The following ATRX variants were observed in gnomAD, a reference collection of about 807,000 sequenced individuals.
ATRX encodes ATRX chromatin remodeler, also known as chromatin remodeler ATRX.
ATRX carries 12 observed loss-of-function variants against 172.6 expected under a neutral mutation model. That is an observed-to-expected ratio of 0.07 (90% confidence interval 0.04 to 0.11). ATRX has a LOEUF of 0.11. ATRX is among the 10% of genes least tolerant of loss of function. The pLI is 1.00. For missense variants in ATRX, 1,368 were observed against 1,767.4 expected (o/e 0.77, Z 4.05); for synonymous variants, 674 against 594.7 (o/e 1.13, Z -1.94).
At chrX:77,680,656 A>G (rs1334916901) in intron 9 of ATRX, among the ~76,000 whole-genome samples, 3 of 111,638 alleles carry the variant, frequency 2.7e-5, no homozygotes, top group Non-Finnish European at 5.7e-5. Context: ...AATTCTACCT[A>G]TGTTGGAAAT....
intron 1 of ATRX, among the ~76,000 whole-genome samples, chrX:77,731,567 T>C (rs2074299396): frequency 9.0e-6 from 1 of 111,537 alleles, no homozygotes; most frequent in Non-Finnish European, 1.9e-5. Context: ...TTGGTTCTGT[T>C]TGAATAATGT....
chrX:77,624,930 G>A (rs1370793025), intron 19 of ATRX, among the ~76,000 whole-genome samples: 1 of 111,658 alleles, frequency 9.0e-6, no homozygotes, highest in East Asian at 2.8e-4. Context: ...AGCCCGCATA[G>A]CCAAAGCAAG....
intron 28 of ATRX, among the ~76,000 whole-genome samples, chrX:77,567,765 C>CAT (rs1557065292): frequency 9.0e-6 from 1 of 110,573 alleles, no homozygotes; most frequent in Non-Finnish European, 1.9e-5. Flanking sequence ...CAGCAGAGTA[C>CAT]ATATTCTCTT....
intron 1 of ATRX, among the ~76,000 whole-genome samples, chrX:77,778,483 G>T (rs1313496555): frequency 9.1e-6 from 1 of 109,542 alleles, no homozygotes; most frequent in Non-Finnish European, 1.9e-5. Context: ...AGCACTTTGG[G>T]AGGCCAAGGC....
intron 15 of ATRX, among the ~76,000 whole-genome samples, chrX:77,641,655 CA>C (rs782618880): frequency 5.6e-5 from 6 of 107,314 alleles, no homozygotes; most frequent in Non-Finnish European, 1.2e-4. Flanking sequence ...GAAGATATTT[CA>C]AAAAACTAAA....
At chrX:77,590,382 G>A (rs1392744674) in intron 26 of ATRX, among the ~76,000 whole-genome samples, 1 of 110,492 alleles carries the variant, frequency 9.1e-6, no homozygotes, top group African/African-American at 3.3e-5. Context: ...AGACCGAGAC[G>A]GGTGGATCAC....
At chrX:77,720,374 T>G (rs2073686790) in intron 1 of ATRX, among the ~76,000 whole-genome samples, 1 of 111,275 alleles carries the variant, frequency 9.0e-6, no homozygotes, top group African/African-American at 3.3e-5. Context: ...CCCTTCAAAC[T>G]ATCAGTGAAT....
chrX:77,530,830 GA>G (rs2063551956), intron 30 of ATRX, among the ~76,000 whole-genome samples: 1 of 110,609 alleles, frequency 9.0e-6, no homozygotes, highest in African/African-American at 3.3e-5. Flanking sequence ...ACGAATCCAG[GA>G]AGTGGTTTCT....
intron 1 of ATRX, among the ~76,000 whole-genome samples, chrX:77,738,649 C>T (rs781783062): frequency 1.9e-5 from 2 of 104,232 alleles, no homozygotes; most frequent in African/African-American, 7.1e-5. Flanking sequence ...CTGCAACCTC[C>T]GCCTCCCAGG....
At chrX:77,652,494 T>A in intron 14 of ATRX, 141 bp from the exon 15 acceptor site, 1 of 633,258 alleles carries the variant, frequency 1.6e-6, no homozygotes, top group Non-Finnish European at 2.2e-6. Context: ...AATAGAGTAG[T>A]ATTAAAAAAA....
intron 30 of ATRX, among the ~76,000 whole-genome samples, chrX:77,550,917 A>G (rs1157756831): frequency 9.0e-6 from 1 of 111,626 alleles, no homozygotes; most frequent in African/African-American, 3.3e-5. Flanking sequence ...AGGGATGTGA[A>G]GGACCTCTTC....
intron 1 of ATRX, among the ~76,000 whole-genome samples, chrX:77,763,181 G>A (rs1039254534): frequency 2.8e-5 from 3 of 108,555 alleles, no homozygotes; most frequent in Non-Finnish European, 5.7e-5. Context: ...TCTCGCTCTT[G>A]TTGCCCAGGC....
chrX:77,626,896 T>A (rs782148273), intron 19 of ATRX, among the ~76,000 whole-genome samples: 31 of 112,081 alleles, frequency 2.8e-4, no homozygotes, highest in Non-Finnish European at 5.1e-4. Flanking sequence ...GGTAGCCCTA[T>A]GGTTAGTACG....
chrX:77,533,996 A>G (rs1484037355), intron 30 of ATRX, among the ~76,000 whole-genome samples: 1 of 111,784 alleles, frequency 8.9e-6, no homozygotes, highest in Non-Finnish European at 1.9e-5. Flanking sequence ...TTATTACCAA[A>G]TCTGCGAACA....
At chrX:77,736,354 C>G (rs782113307) in intron 1 of ATRX, among the ~76,000 whole-genome samples, 4 of 112,245 alleles carry the variant, frequency 3.6e-5, no homozygotes, top group Non-Finnish European at 5.6e-5. Flanking sequence ...GTAAGTAGCT[C>G]AAACAACTCT....
chrX:77,735,838 AT>A (rs1488983141), intron 1 of ATRX, among the ~76,000 whole-genome samples: 1 of 86,393 alleles, frequency 1.2e-5, no homozygotes, highest in African/African-American at 4.2e-5. Context: ...ATAAATAAAA[AT>A]AAATAAATAC....
At chrX:77,737,342 G>C (rs1269850795) in intron 1 of ATRX, among the ~76,000 whole-genome samples, 2 of 97,325 alleles carry the variant, frequency 2.1e-5, no homozygotes, top group Non-Finnish European at 4.0e-5. Flanking sequence ...AGAATCATTT[G>C]AACCCAGGAG....
chrX:77,621,053 A>G (rs2067558168), intron 19 of ATRX, among the ~76,000 whole-genome samples: 1 of 111,748 alleles, frequency 8.9e-6, no homozygotes, highest in Non-Finnish European at 1.9e-5. Flanking sequence ...TGCTGGGGAA[A>G]AATTTTAACT....
intron 1 of ATRX, among the ~76,000 whole-genome samples, chrX:77,726,387 A>T (rs1190963597): frequency 2.0e-5 from 2 of 101,243 alleles, no homozygotes; most frequent in African/African-American, 7.3e-5. Context: ...AAAACCAAAC[A>T]CCGCATGTTC....
Sources: allele counts gnomAD v4.1 joint callset (sites outside exome capture counted in the v4.1 genomes callset), GRCh38; gene constraint gnomAD v4.1.1; transcripts MANE v1.5; gene names NCBI Gene and HGNC (gene_info 2026-07-23, HGNC 2026-07-21).